The following TBC1D4 variants were observed in gnomAD, a reference collection of about 807,000 sequenced individuals.
TBC1D4 encodes TBC1 domain family member 4.
Under a neutral mutation model 142.5 loss-of-function variants are expected in TBC1D4, and 121 were observed. That is an observed-to-expected ratio of 0.85 (90% CI 0.73 to 0.99). The LOEUF is 0.99. Among genes scored for constraint, TBC1D4 ranks in the 50% least tolerant of loss-of-function variants. TBC1D4 has a pLI of 0.00. For missense variants in TBC1D4, 1,475 were observed against 1,606.6 expected, an observed-to-expected ratio of 0.92 and a Z score of 1.40; for synonymous variants, 630 against 628.2, an observed-to-expected ratio of 1.00 and a Z score of -0.04.
chr13:75,310,842 CTTCT>C (rs934788104), intron 13 of TBC1D4, among the ~76,000 whole-genome samples: 3 of 152,120 alleles, frequency 2.0e-5, no homozygotes, highest in African/African-American at 7.2e-5. Flanking sequence ...CTAATGTTCC[CTTCT>C]TTGTTTCTAT....
intron 1 of TBC1D4, among the ~76,000 whole-genome samples, chr13:75,458,473 C>T (rs1437175825): frequency 6.6e-6 from 1 of 152,196 alleles, no homozygotes; most frequent in African/African-American, 2.4e-5. Flanking sequence ...GAAAAAGCAA[C>T]ATGTGGGCGC....
intron 1 of TBC1D4, among the ~76,000 whole-genome samples, chr13:75,377,988 G>A (rs1883617629): frequency 6.6e-6 from 1 of 151,726 alleles, no homozygotes; most frequent in South Asian, 2.1e-4. Flanking sequence ...TGATTTGGGG[G>A]TTTCATACCT....
At chr13:75,320,617 TC>T (rs1459974164) in intron 11 of TBC1D4, among the ~76,000 whole-genome samples, 1 of 152,158 alleles carries the variant, frequency 6.6e-6, no homozygotes, top group Non-Finnish European at 1.5e-5. Flanking sequence ...AGATCTTGGC[TC>T]CTTTTTCTCA....
intron 1 of TBC1D4, among the ~76,000 whole-genome samples, chr13:75,443,977 G>GA (rs11287723): frequency 6.8e-6 from 1 of 148,022 alleles, no homozygotes; most frequent in African/African-American, 2.5e-5. Context: ...ATATCCATCT[G>GA]AAAAAAAAAA....
intron 1 of TBC1D4, among the ~76,000 whole-genome samples, chr13:75,420,879 CTG>C (rs1886136818): frequency 6.6e-6 from 1 of 152,128 alleles, no homozygotes; most frequent in African/African-American, 2.4e-5. Flanking sequence ...TCTACAAGAG[CTG>C]AACGAGGCCT....
At chr13:75,410,003 A>G (rs1885548820) in intron 1 of TBC1D4, among the ~76,000 whole-genome samples, 2 of 152,296 alleles carry the variant, frequency 1.3e-5, no homozygotes, top group East Asian at 1.9e-4. Context: ...TGTTCACCAA[A>G]TTTGTTTATC....
intron 1 of TBC1D4, among the ~76,000 whole-genome samples, chr13:75,387,400 C>A (rs1434707345): frequency 1.3e-5 from 2 of 152,176 alleles, no homozygotes; most frequent in African/African-American, 4.8e-5. Flanking sequence ...AAATCTGAAA[C>A]TATATCAGTG....
chr13:75,346,126 A>G (rs1593765536), intron 5 of TBC1D4, among the ~76,000 whole-genome samples: 1 of 152,350 alleles, frequency 6.6e-6, no homozygotes, highest in East Asian at 1.9e-4. Context: ...AACTCTCTGC[A>G]ACTTTTCTGT....
intron 1 of TBC1D4, among the ~76,000 whole-genome samples, chr13:75,438,623 A>C (rs1216243934): frequency 6.6e-6 from 1 of 152,224 alleles, no homozygotes; most frequent in Non-Finnish European, 1.5e-5. Flanking sequence ...TCAAGTTATA[A>C]ACAGTAAAAC....
At chr13:75,410,188 T>C (rs1885573345) in intron 1 of TBC1D4, among the ~76,000 whole-genome samples, 1 of 152,162 alleles carries the variant, frequency 6.6e-6, no homozygotes, top group Admixed American at 6.5e-5. Flanking sequence ...TTTGATATAT[T>C]CACATCACGT....
intron 18 of TBC1D4, among the ~76,000 whole-genome samples, chr13:75,293,076 A>G (rs769056353): frequency 9.2e-5 from 14 of 152,176 alleles, no homozygotes; most frequent in Non-Finnish European, 2.1e-4. Context: ...AATCGCTCGA[A>G]CCCAGGAGGC....
chr13:75,316,778 G>A lies in TBC1D4; in HGVS notation c.2222+3236C>T, dbSNP rs140738430. 2.1e-4 allele frequency among the ~76,000 whole-genome samples: 32 copies of A among 152,266 alleles called. No homozygotes were observed. In the East Asian group the frequency reaches 6.2e-3, roughly 29 times the overall value. On this transcript the variant is annotated intron_variant, in intron 12 of 20. Transcript: ENST00000377636. ...GAAACTACACTGGGATGGGGGTGGA[G>A]GGAGTTTATTTCTTTTGGTTTGTTT... is the stretch of plus-strand genomic sequence containing the variant.
In TBC1D4 at chr13:75,289,082, A is replaced by G; in HGVS notation, c.3515T>C (p.Leu1172Ser). The change falls in exon 20 of 21, where the codon TTG becomes TCG. Residue 1172 changes from leucine (L) to serine (S), a missense_variant. Leu to Ser is a moderately radical substitution (Grantham distance 145, BLOSUM62 -2). Coordinates refer to ENST00000377636, the MANE Select transcript of TBC1D4 (RefSeq NM_014832.5). The stretch of plus-strand genomic sequence containing the variant: ...ATGATATTCCACCTCATAGGCATGC[A>G]ACTGCTTAGAAATATCCATCTCAAA... ...QVFEMDISKQ[L>S]HAYEVEYHVL... 1 of 1,613,870 alleles carries G rather than the reference A, an allele frequency of 6.2e-7. No individual in the cohort carries two copies. The highest frequency in any genetic ancestry group is 8.5e-7 in the Non-Finnish European group (1 of 1,179,852).
In TBC1D4 at chr13:75,364,108, G is replaced by A. The variant is rs78031258; in HGVS notation, c.499-1501C>T. On this transcript the variant is annotated intron_variant, in intron 1 of 20. Coordinates refer to ENST00000377636, the MANE Select transcript of TBC1D4 (RefSeq NM_014832.5). The stretch of plus-strand genomic sequence containing the variant: ...GGTGGGGAGTGTGCATGGTGGGGGC[G>A]GTGCAGTTCCAGATCGTAGGTGGAT... Among the ~76,000 whole-genome samples, 1,015 of 152,260 alleles carry A rather than the reference G, an allele frequency of 6.7e-3. 18 individuals are homozygous for A. Among genetic ancestry groups the A allele is most frequent in the African/African-American group, 0.021 (865 of 41,564 alleles).
At chr13:75,476,229 C>T (rs1049286052) in intron 1 of TBC1D4, among the ~76,000 whole-genome samples, 3 of 151,996 alleles carry the variant, frequency 2.0e-5, no homozygotes, top group South Asian at 2.1e-4. Flanking sequence ...GGCGACAGTG[C>T]GAGACTCCAC....
intron 11 of TBC1D4, among the ~76,000 whole-genome samples, chr13:75,323,500 A>T (rs1486489282): frequency 1.3e-5 from 2 of 152,146 alleles, no homozygotes; most frequent in Non-Finnish European, 2.9e-5. Context: ...AATTTTTTTT[A>T]AAAAAAGCAA....
At chr13:75,360,512 G>C (rs924215371) in intron 2 of TBC1D4, among the ~76,000 whole-genome samples, 4 of 125,170 alleles carry the variant, frequency 3.2e-5, no homozygotes, top group African/African-American at 8.0e-5. Context: ...CTCCAGCCTG[G>C]ATGACAGAGC....
At chr13:75,331,772 G>T (rs891629474) in intron 8 of TBC1D4, among the ~76,000 whole-genome samples, 3 of 147,614 alleles carry the variant, frequency 2.0e-5, no homozygotes, top group Admixed American at 6.9e-5. Context: ...ATATTTTGAT[G>T]TTTAAAAATG....
At chr13:75,458,715 A>ATAATTTTT (rs1354210486) in intron 1 of TBC1D4, among the ~76,000 whole-genome samples, 1 of 151,888 alleles carries the variant, frequency 6.6e-6, no homozygotes, top group Non-Finnish European at 1.5e-5. Context: ...TTCTACAAGT[A>ATAATTTTT]TAATTTTTTA....
Sources: gnomAD v4.1 joint callset for allele counts (sites outside exome capture counted in the v4.1 genomes callset) on GRCh38, gnomAD v4.1.1 for gene constraint, MANE v1.5 for transcripts, NCBI Gene and HGNC (gene_info 2026-07-23, HGNC 2026-07-21) for gene names.